Variants in DCC observed in about 807,000 individuals in gnomAD.
The protein encoded by DCC is DCC netrin 1 receptor, also known as netrin receptor DCC.
A neutral mutation model predicts 172.5 loss-of-function variants in DCC; 58 were observed. That is an observed-to-expected ratio of 0.34 (90% CI 0.27 to 0.42). The LOEUF (loss-of-function observed/expected upper bound fraction) is 0.42. Ranked by LOEUF, DCC falls within the 10% of genes least tolerant of loss-of-function variation. The pLI is 1.00. For synonymous variants in DCC, 709 were observed against 644.5 expected (o/e 1.10, Z -1.52); for missense variants, 1,740 against 1,791.0 (o/e 0.97, Z 0.51).
chr18:52,473,161 A>G (rs1988994945), intron 1 of DCC, among the ~76,000 whole-genome samples: 1 of 152,176 alleles, frequency 6.6e-6, no homozygotes, highest in Non-Finnish European at 1.5e-5. Flanking sequence ...GTTTAGTGGA[A>G]AGGACACTGA....
intron 1 of DCC, among the ~76,000 whole-genome samples, chr18:52,460,761 G>A (rs1256142533): frequency 6.6e-6 from 1 of 151,950 alleles, no homozygotes; most frequent in Admixed American, 6.5e-5. Context: ...ACATAGAAAA[G>A]GTACAATAAA....
intron 13 of DCC, among the ~76,000 whole-genome samples, chr18:53,315,096 A>G (rs940517574): frequency 6.6e-6 from 1 of 152,046 alleles, no homozygotes; most frequent in African/African-American, 2.4e-5. Context: ...TATTTCTCCT[A>G]AAGCTATCCC....
chr18:52,992,995 A>AC (rs1408863658), intron 5 of DCC, among the ~76,000 whole-genome samples: 1 of 152,030 alleles, frequency 6.6e-6, no homozygotes, highest in African/African-American at 2.4e-5. Context: ...AAAAAAAAAA[A>AC]AAAAAACACA....
intron 2 of DCC, among the ~76,000 whole-genome samples, chr18:52,820,721 G>T (rs1313450471): frequency 6.6e-6 from 1 of 152,112 alleles, no homozygotes; most frequent in Non-Finnish European, 1.5e-5. Flanking sequence ...GAAGAGAGGT[G>T]ATACATCCCA....
chr18:52,770,605 T>C (rs191677003), intron 2 of DCC, among the ~76,000 whole-genome samples: 1 of 151,584 alleles, frequency 6.6e-6, no homozygotes, highest in Non-Finnish European at 1.5e-5. Context: ...ACCAGAGTCA[T>C]GGGCAGTGAC....
At chr18:53,306,588 C>T (rs1255383743) in intron 13 of DCC, among the ~76,000 whole-genome samples, 1 of 152,228 alleles carries the variant, frequency 6.6e-6, no homozygotes. Context: ...AGCAGTTGCT[C>T]TCTTGTTTCT....
intron 5 of DCC, among the ~76,000 whole-genome samples, chr18:52,946,583 G>A (rs921700345): frequency 2.6e-5 from 4 of 152,096 alleles, no homozygotes; most frequent in Non-Finnish European, 5.9e-5. Context: ...TGGGTCATAG[G>A]CAGAAGGGAC....
intron 7 of DCC, among the ~76,000 whole-genome samples, chr18:53,141,916 G>T (rs1191906466): frequency 1.3e-5 from 2 of 152,120 alleles, no homozygotes; most frequent in African/African-American, 4.8e-5. Flanking sequence ...GCTACCTGTG[G>T]TATGTCCATA....
chr18:52,873,596 A>G lies in DCC; in HGVS notation c.413-32448A>G, dbSNP rs556031394. On this transcript the variant is annotated intron_variant, in intron 2 of 28. Coordinates refer to ENST00000442544, the MANE Select transcript of DCC (RefSeq NM_005215.4). The stretch of plus-strand genomic sequence containing the variant: ...TAGTTTTATCAAAATTAATATATAT[A>G]GTATTTATAGAACGCTGTGATTCAC... Among the ~76,000 whole-genome samples, 3 of 152,296 alleles carry G rather than the reference A, an allele frequency of 2.0e-5. No homozygotes were observed. In the South Asian group the frequency reaches 6.2e-4, roughly 32 times the overall value.
intron 1 of DCC, among the ~76,000 whole-genome samples, chr18:52,704,016 G>A (rs879283978): frequency 1.3e-5 from 2 of 151,922 alleles, no homozygotes; most frequent in Non-Finnish European, 2.9e-5. Flanking sequence ...TGGGTCTCAG[G>A]TTAAGTAGTT....
intron 20 of DCC, among the ~76,000 whole-genome samples, chr18:53,412,597 G>T (rs1478555537): frequency 2.0e-5 from 3 of 152,052 alleles, no homozygotes; most frequent in Non-Finnish European, 4.4e-5. Flanking sequence ...ATGTAACTTT[G>T]TTTGCCTGAG....
chr18:53,092,912 A>C (rs1239951269), intron 7 of DCC, among the ~76,000 whole-genome samples: 4 of 152,150 alleles, frequency 2.6e-5, no homozygotes, highest in Admixed American at 6.5e-5. Context: ...AATGCTAGCA[A>C]CTGAATCACA....
chr18:52,565,262 C>T (rs2033132541), intron 1 of DCC, among the ~76,000 whole-genome samples: 1 of 152,072 alleles, frequency 6.6e-6, no homozygotes, highest in Non-Finnish European at 1.5e-5. Context: ...TGGGTTGGTT[C>T]CAAGTCTTTG....
chr18:52,367,582 T>C (rs1354681683), intron 1 of DCC, among the ~76,000 whole-genome samples: 1 of 152,232 alleles, frequency 6.6e-6, no homozygotes, highest in East Asian at 1.9e-4. Flanking sequence ...TCCTGTTATG[T>C]ATTGGCTTTT....
At chr18:53,315,397 A>G (rs906669453) in intron 13 of DCC, among the ~76,000 whole-genome samples, 1 of 152,168 alleles carries the variant, frequency 6.6e-6, no homozygotes, top group Admixed American at 6.5e-5. Flanking sequence ...AGTCTTGGCT[A>G]TTGTGAATAG....
chr18:52,357,126 T>A, intron 1 of DCC, among the ~76,000 whole-genome samples: 1 of 152,108 alleles, frequency 6.6e-6, no homozygotes, highest in East Asian at 1.9e-4. Context: ...TTGGACACTT[T>A]CCAAAAGCAG....
At chr18:53,191,864 G>A (rs537723916) in intron 9 of DCC, among the ~76,000 whole-genome samples, 11 of 152,164 alleles carry the variant, frequency 7.2e-5, no homozygotes, top group African/African-American at 2.6e-4. Context: ...CAAAAGTGGG[G>A]TTGGCTAGAG....
chr18:53,294,891 A>T (rs1166247276), intron 12 of DCC, among the ~76,000 whole-genome samples: 1 of 152,216 alleles, frequency 6.6e-6, no homozygotes, highest in African/African-American at 2.4e-5. Flanking sequence ...CAGGGCAAAG[A>T]TAAAGATTAG....
At chr18:53,449,404 A>C (rs1245799163) in intron 22 of DCC, among the ~76,000 whole-genome samples, 1 of 152,136 alleles carries the variant, frequency 6.6e-6, no homozygotes, top group Non-Finnish European at 1.5e-5. Flanking sequence ...GTTATTTTCC[A>C]CCTACATATT....
Sources: allele counts gnomAD v4.1 joint callset (sites outside exome capture counted in the v4.1 genomes callset), GRCh38; gene constraint gnomAD v4.1.1; transcripts MANE v1.5; gene names NCBI Gene and HGNC (gene_info 2026-07-23, HGNC 2026-07-21).